Variants in SMAD9 observed in about 807,000 individuals in gnomAD.
The protein encoded by SMAD9 is MAD homolog 9.
A neutral mutation model predicts 46.1 loss-of-function variants in SMAD9; 36 were observed. The observed-to-expected ratio is 0.78, with a 90% CI of 0.60 to 1.03. The LOEUF (loss-of-function observed/expected upper bound fraction) is 1.03. SMAD9 is among the 50% of genes least tolerant of loss of function. The pLI is 0.00. For missense variants in SMAD9, 572 were observed against 599.8 expected, an observed-to-expected ratio of 0.95 and a Z score of 0.48; for synonymous variants, 245 against 237.1, an observed-to-expected ratio of 1.03 and a Z score of -0.31.
At chr13:36,874,534 G>A (rs558176705) in intron 2 of SMAD9, among the ~76,000 whole-genome samples, 2 of 152,262 alleles carry the variant, frequency 1.3e-5, no homozygotes, top group Admixed American at 6.5e-5. Flanking sequence ...TATCAAGGAT[G>A]AGAAGAGGAG....
At position 36,879,814 on chromosome 13, in the gene SMAD9, G is replaced by T; in HGVS notation, c.-125C>A. On this transcript the variant is annotated 5_prime_UTR_variant, in exon 2 of 7. Coordinates refer to ENST00000379826, the MANE Select transcript of SMAD9 (RefSeq NM_001127217.3). ...CGCCCGTTCTTCTGGGAGCAGCTGG[G>T]ACCAATTCAAGTTGCGAAGTGTGTT... The T allele has an allele frequency of 3.7e-6, 4 of 1,070,046 alleles. No individual in the cohort carries two copies. The highest frequency in any genetic ancestry group is 5.5e-6 in the Non-Finnish European group (4 of 723,724). The allele number at this position is 1,070,046 out of a possible 1,614,324, so 66.3% of individuals were successfully genotyped here. A position where few individuals can be genotyped will look rare whatever the true frequency, so the allele number is the denominator to read the frequency against.
At position 36,871,536 on chromosome 13, in the gene SMAD9, T is replaced by TAAA. The variant is rs1247613183; in HGVS notation, c.670+1119_670+1121dup. ...CCGTCTCAAAATAAAAAATAAAAAATAAAAATAAATAAACGCCTGTGTAGT... is the reference window on the plus strand; with the variant it reads ...CCGTCTCAAAATAAAAAATAAAAAATAAAAAAAATAAATAAACGCCTGTGTAGT... On this transcript the variant is annotated intron_variant, in intron 3 of 6. Coordinates refer to ENST00000379826, the MANE Select transcript of SMAD9 (RefSeq NM_001127217.3). 5.0e-4 allele frequency among the ~76,000 whole-genome samples: 74 copies of TAAA among 149,260 alleles called. 1 individual carries two copies. Among genetic ancestry groups the TAAA allele is most frequent in the African/African-American group, 1.9e-3 (73 of 39,020 alleles).
At chr13:36,852,302 G>A in intron 6 of SMAD9, 1 of 984,750 alleles carries the variant, frequency 1.0e-6, no homozygotes, top group Admixed American at 6.1e-5. Context: ...AAGCCATGCT[G>A]ATTCCCTGGA....
intron 1 of SMAD9, among the ~76,000 whole-genome samples, chr13:36,892,895 C>A (rs1430115345): frequency 6.6e-6 from 1 of 152,124 alleles, no homozygotes; most frequent in African/African-American, 2.4e-5. Flanking sequence ...AACACTGGCA[C>A]TTTTTTGGGC....
At chr13:36,861,476 G>A (rs1038704853) in intron 5 of SMAD9, among the ~76,000 whole-genome samples, 80 of 151,304 alleles carry the variant, frequency 5.3e-4, no homozygotes, top group Middle Eastern at 3.4e-3. Context: ...CACCACACCC[G>A]GCTAATTTTT....
intron 1 of SMAD9, among the ~76,000 whole-genome samples, chr13:36,906,151 T>A (rs892201090): frequency 1.3e-5 from 2 of 152,166 alleles, no homozygotes; most frequent in Non-Finnish European, 2.9e-5. Context: ...ATTTGAAGAA[T>A]AAATGCTGTG....
intron 1 of SMAD9, among the ~76,000 whole-genome samples, chr13:36,888,634 C>G (rs953775898): frequency 6.6e-6 from 1 of 152,144 alleles, no homozygotes; most frequent in African/African-American, 2.4e-5. Context: ...TCACTGCAAT[C>G]AACTCCCAAA....
At chr13:36,916,406 GAGA>G (rs2058698964) in intron 1 of SMAD9, among the ~76,000 whole-genome samples, 1 of 152,196 alleles carries the variant, frequency 6.6e-6, no homozygotes, top group African/African-American at 2.4e-5. Flanking sequence ...CAATGTTCAG[GAGA>G]AGGAGGCTCT....
intron 6 of SMAD9, 147 bp downstream of exon 6, chr13:36,853,272 G>C (rs2058089935): frequency 1.3e-6 from 1 of 780,802 alleles, no homozygotes; most frequent in Non-Finnish European, 2.1e-6. Context: ...GTGACAGAGT[G>C]AAACTCCGTC....
chr13:36,862,522 C>A (rs1378391722), intron 5 of SMAD9, among the ~76,000 whole-genome samples: 1 of 152,128 alleles, frequency 6.6e-6, no homozygotes, highest in Non-Finnish European at 1.5e-5. Flanking sequence ...AGGAAATGAA[C>A]CCTCAGCTCC....
intron 1 of SMAD9, among the ~76,000 whole-genome samples, chr13:36,919,803 T>C (rs1352244105): frequency 1.4e-4 from 20 of 147,136 alleles, no homozygotes; most frequent in Non-Finnish European, 3.0e-5. Flanking sequence ...CCCAGAGCAG[T>C]CCCCTCCGGC....
At chr13:36,910,832 T>A (rs974624628) in intron 1 of SMAD9, among the ~76,000 whole-genome samples, 16 of 152,126 alleles carry the variant, frequency 1.1e-4, no homozygotes, top group Admixed American at 2.0e-4. Flanking sequence ...CACACTTGAA[T>A]CCCCAGATTT....
chr13:36,909,676 G>C (rs2058645002), intron 1 of SMAD9, among the ~76,000 whole-genome samples: 1 of 152,192 alleles, frequency 6.6e-6, no homozygotes, highest in South Asian at 2.1e-4. Context: ...CTGAGTGCTA[G>C]TACCATCACT....
At chr13:36,860,090 TTACTC>T (rs1308077867) in intron 5 of SMAD9, among the ~76,000 whole-genome samples, 1 of 152,200 alleles carries the variant, frequency 6.6e-6, no homozygotes, top group Non-Finnish European at 1.5e-5. Flanking sequence ...TGCCCTCACT[TTACTC>T]TATGGATTTG....
intron 2 of SMAD9, among the ~76,000 whole-genome samples, chr13:36,875,625 C>T (rs1258648950): frequency 1.3e-5 from 2 of 152,118 alleles, no homozygotes; most frequent in African/African-American, 4.8e-5. Context: ...GTTGACACAG[C>T]GAATGTGTAT....
intron 1 of SMAD9, among the ~76,000 whole-genome samples, chr13:36,882,902 T>C (rs1300549576): frequency 6.6e-6 from 1 of 152,176 alleles, no homozygotes; most frequent in Non-Finnish European, 1.5e-5. Context: ...GGTTTGACTC[T>C]GCAGTGAGCT....
intron 1 of SMAD9, among the ~76,000 whole-genome samples, chr13:36,880,349 C>G (rs771898237): frequency 6.6e-6 from 1 of 152,220 alleles, no homozygotes; most frequent in Admixed American, 6.5e-5. Context: ...CTTGGTCTCC[C>G]AAGTGTAAAC....
intron 1 of SMAD9, among the ~76,000 whole-genome samples, chr13:36,892,106 A>C (rs1295183106): frequency 6.6e-6 from 1 of 152,206 alleles, no homozygotes; most frequent in Non-Finnish European, 1.5e-5. Context: ...AATGTACATA[A>C]AATGGTATTA....
chr13:36,886,456 A>T (rs2058445573), intron 1 of SMAD9, among the ~76,000 whole-genome samples: 1 of 152,234 alleles, frequency 6.6e-6, no homozygotes, highest in Non-Finnish European at 1.5e-5. Flanking sequence ...GTGGCTCTAA[A>T]GGGGCATGAA....
Sources: allele counts gnomAD v4.1 joint callset (sites outside exome capture counted in the v4.1 genomes callset), GRCh38; gene constraint gnomAD v4.1.1; transcripts MANE v1.5; gene names NCBI Gene and HGNC (gene_info 2026-07-23, HGNC 2026-07-21).